NTRK3: variants seen among roughly 807,000 people sequenced by gnomAD.
NTRK3 encodes neurotrophic receptor tyrosine kinase 3, also known as NT-3 growth factor receptor.
NTRK3 carries 24 observed loss-of-function variants against 91.7 expected under a neutral mutation model. That is an observed-to-expected ratio of 0.26 (90% CI 0.19 to 0.37). The LOEUF (loss-of-function observed/expected upper bound fraction) is 0.37. Ranked by LOEUF, NTRK3 falls within the 10% of genes least tolerant of loss-of-function variation. The pLI is 1.00. For missense variants in NTRK3, 880 were observed against 1,068.9 expected, an observed-to-expected ratio of 0.82 and a Z score of 2.46; for synonymous variants, 483 against 404.0, an observed-to-expected ratio of 1.20 and a Z score of -2.34.
chr15:88,095,812 A>T (rs968407587), intron 13 of NTRK3, among the ~76,000 whole-genome samples: 5 of 152,182 alleles, frequency 3.3e-5, no homozygotes, highest in Non-Finnish European at 7.3e-5. Context: ...CAAAAATAGT[A>T]CAGAAAGGTC....
At chr15:88,027,892 T>C (rs2078175933) in intron 14 of NTRK3, among the ~76,000 whole-genome samples, 1 of 152,102 alleles carries the variant, frequency 6.6e-6, no homozygotes, top group Non-Finnish European at 1.5e-5. Context: ...CATTCAAGAC[T>C]GGGGCATGGC....
At chr15:88,044,254 CTTTTTTTTTTTTTT>C (rs1181028004) in intron 13 of NTRK3, among the ~76,000 whole-genome samples, 1 of 78,486 alleles carries the variant, frequency 1.3e-5, no homozygotes, top group South Asian at 5.6e-4. Flanking sequence ...AGTCTATGTT[CTTTTTTTTTTTTTT>C]TTTTTTTTTT....
At chr15:88,093,971 A>G (rs1448732020) in intron 13 of NTRK3, among the ~76,000 whole-genome samples, 1 of 152,210 alleles carries the variant, frequency 6.6e-6, no homozygotes, top group African/African-American at 2.4e-5. Flanking sequence ...AAACAGCCTC[A>G]GCAAGGTCAC....
chr15:88,253,430 C>T (rs2053638646), intron 3 of NTRK3: 1 of 152,326 alleles, frequency 6.6e-6, no homozygotes, highest in South Asian at 2.1e-4. Flanking sequence ...CACCCCAAGC[C>T]TCCATTTCCT....
chr15:88,128,208 A>G (rs1457151594), intron 11 of NTRK3, among the ~76,000 whole-genome samples: 1 of 152,206 alleles, frequency 6.6e-6, no homozygotes, highest in African/African-American at 2.4e-5. Flanking sequence ...GCCCCAAATC[A>G]CTTATAAACT....
intron 5 of NTRK3, among the ~76,000 whole-genome samples, chr15:88,172,258 A>G (rs767397060): frequency 2.0e-5 from 3 of 152,248 alleles, no homozygotes; most frequent in African/African-American, 4.8e-5. Flanking sequence ...TTAGCCTGCT[A>G]AGGAATGAAG....
intron 3 of NTRK3, among the ~76,000 whole-genome samples, chr15:88,249,540 G>A (rs2053157644): frequency 6.6e-6 from 1 of 152,156 alleles, no homozygotes. Context: ...TGCCCACTCT[G>A]GGCCCTTGGA....
At chr15:88,196,812 T>C (rs1482513015) in intron 3 of NTRK3, among the ~76,000 whole-genome samples, 3 of 152,190 alleles carry the variant, frequency 2.0e-5, no homozygotes, top group Non-Finnish European at 4.4e-5. Context: ...TAATTAGAGA[T>C]TGATTCTAGT....
chr15:88,106,478 T>C (rs1436771414), intron 13 of NTRK3, among the ~76,000 whole-genome samples: 2 of 152,080 alleles, frequency 1.3e-5, no homozygotes, highest in Non-Finnish European at 2.9e-5. Context: ...AGAAAGAATG[T>C]AAGAAAGGAA....
chr15:87,861,368 T>G (rs780500303), exon 19 of NTRK3: 1 of 212,802 alleles, frequency 4.7e-6, no homozygotes, highest in Non-Finnish European at 9.5e-6. Context: ...CTGCACAACA[T>G]CAGCCTAGAG....
At chr15:87,986,870 C>T (rs1291346419) in intron 14 of NTRK3, among the ~76,000 whole-genome samples, 1 of 152,230 alleles carries the variant, frequency 6.6e-6, no homozygotes, top group African/African-American at 2.4e-5. Flanking sequence ...TACCACTAAA[C>T]TCTGCCAGTA....
At position 87,920,553 on chromosome 15, in the gene NTRK3, C is replaced by T. The variant is rs145716205; in HGVS notation, c.2133+8638G>A. On this transcript the variant is annotated intron_variant, in intron 17 of 18. Coordinates refer to ENST00000394480, the Ensembl canonical transcript of NTRK3. ...ATACCTTCCTCTAGACTCCTAAACT[C>T]CAGCAGAGAACAGTAACTCCAGCCC... is the stretch of plus-strand genomic sequence containing the variant. Among the ~76,000 whole-genome samples the T allele has an allele frequency of 2.0e-4, 30 of 152,250 alleles. No individual in the cohort carries two copies. The East Asian group carries it at 5.6e-3, about 29-fold the overall frequency.
intron 15 of NTRK3, among the ~76,000 whole-genome samples, chr15:87,934,062 G>C (rs570484155): frequency 3.5e-4 from 53 of 152,316 alleles, no homozygotes; most frequent in Admixed American, 1.6e-3. Flanking sequence ...GCACCAGAAG[G>C]GGACTACAAG....
chr15:88,086,604 TAA>T (rs1488228635), intron 13 of NTRK3, among the ~76,000 whole-genome samples: 1 of 152,216 alleles, frequency 6.6e-6, no homozygotes, highest in Non-Finnish European at 1.5e-5. Context: ...ACTCTAGACC[TAA>T]ATTTGGTTGC....
At chr15:88,122,438 AG>A (rs2052820930) in intron 13 of NTRK3, among the ~76,000 whole-genome samples, 1 of 152,164 alleles carries the variant, frequency 6.6e-6, no homozygotes, top group Non-Finnish European at 1.5e-5. Flanking sequence ...AGTGAACTGG[AG>A]GATGCTGAAC....
intron 13 of NTRK3, among the ~76,000 whole-genome samples, chr15:88,085,547 G>T (rs892414607): frequency 1.3e-5 from 2 of 152,164 alleles, no homozygotes; most frequent in African/African-American, 2.4e-5. Flanking sequence ...ACTCAGCCAA[G>T]CACATCAGGA....
At position 88,142,507 on chromosome 15, in the gene NTRK3, A is replaced by G. The variant is rs141935478; in HGVS notation, c.464+4828T>C. Among the ~76,000 whole-genome samples, 24 of 152,132 alleles carry G rather than the reference A, an allele frequency of 1.6e-4. 1 individual carries two copies. The East Asian group carries it at 4.3e-3, about 27-fold the overall frequency. ...AAAACACTGATTCCCTCCGGTCATCACTCTAGTGGTTTTCTTCTTCCCTGC... is the reference window on the plus strand; with the variant it reads ...AAAACACTGATTCCCTCCGGTCATCGCTCTAGTGGTTTTCTTCTTCCCTGC... On this transcript the variant is annotated intron_variant, in intron 6 of 18. Coordinates refer to ENST00000394480, the Ensembl canonical transcript of NTRK3.
At position 87,862,335 on chromosome 15, in the gene NTRK3, T is replaced by G. The variant is rs1278797714; in HGVS notation, c.*14600A>C. On this transcript the variant is annotated 3_prime_UTR_variant, in exon 19 of 19. Transcript: ENST00000394480. Reference sequence around the variant, plus strand: ...TGTCCTACTTTTTCCACCTCATTTATTCCTAAAAGAAACCCCTTATTTTCT... The same window carrying G: ...TGTCCTACTTTTTCCACCTCATTTAGTCCTAAAAGAAACCCCTTATTTTCT... 3 of 224,664 alleles carry G rather than the reference T, an allele frequency of 1.3e-5. No individual in the cohort carries two copies. The East Asian group carries it at 1.9e-4, about 14-fold the overall frequency. 13.9% of individuals were successfully genotyped at this position (224,664 alleles called of 1,614,324 possible). A position where few individuals can be genotyped will look rare whatever the true frequency, so the allele number is the denominator to read the frequency against.
At chr15:87,993,589 G>C (rs2075450702) in intron 14 of NTRK3, among the ~76,000 whole-genome samples, 1 of 152,172 alleles carries the variant, frequency 6.6e-6, no homozygotes, top group South Asian at 2.1e-4. Flanking sequence ...AAAATACTCA[G>C]TTTAGGCAGT....
Sources: allele counts gnomAD v4.1 joint callset (sites outside exome capture counted in the v4.1 genomes callset), GRCh38; gene constraint gnomAD v4.1.1; transcripts MANE v1.5; gene names NCBI Gene and HGNC (gene_info 2026-07-23, HGNC 2026-07-21).